The following EHHADH variants were observed in gnomAD, a reference collection of about 807,000 sequenced individuals.
The protein encoded by EHHADH is enoyl-CoA hydratase and 3-hydroxyacyl CoA dehydrogenase.
A neutral mutation model predicts 64.4 loss-of-function variants in EHHADH; 48 were observed. That is an observed-to-expected ratio of 0.75 (90% confidence interval 0.59 to 0.95). The LOEUF (loss-of-function observed/expected upper bound fraction) is 0.95. EHHADH is among the 40% of genes least tolerant of loss of function. The probability of loss-of-function intolerance (pLI) is 0.00; values close to 1 mark genes in which losing one functional copy is unlikely to be tolerated. For missense variants in EHHADH, 854 were observed against 876.6 expected, an observed-to-expected ratio of 0.97 and a Z score of 0.33; for synonymous variants, 308 against 326.7, an observed-to-expected ratio of 0.94 and a Z score of 0.62.
intron 5 of EHHADH, among the ~76,000 whole-genome samples, chr3:185,213,868 G>T (rs1339035979): frequency 7.4e-6 from 1 of 135,494 alleles, no homozygotes; most frequent in Non-Finnish European, 1.6e-5. Flanking sequence ...CAACAAGAGC[G>T]AAACTCCGTC....
At chr3:185,252,813 T>C (rs1719785339) in intron 1 of EHHADH, among the ~76,000 whole-genome samples, 1 of 152,198 alleles carries the variant, frequency 6.6e-6, no homozygotes, top group African/African-American at 2.4e-5. Flanking sequence ...AGCAGCATGT[T>C]ATAAGAATTT....
At chr3:185,245,769 T>C in intron 2 of EHHADH, 1 of 712,954 alleles carries the variant, frequency 1.4e-6, no homozygotes. Context: ...TATAATAGTT[T>C]ACAGATATCT....
At chr3:185,197,408 A>C (rs1223588822) in intron 6 of EHHADH, among the ~76,000 whole-genome samples, 1 of 152,182 alleles carries the variant, frequency 6.6e-6, no homozygotes, top group Non-Finnish European at 1.5e-5. Context: ...AACTCTTTCG[A>C]ATTGCAAAGC....
chr3:185,252,651 T>A (rs1719781509), intron 1 of EHHADH, among the ~76,000 whole-genome samples: 2 of 152,208 alleles, frequency 1.3e-5, no homozygotes, highest in South Asian at 4.1e-4. Flanking sequence ...GTCATCCTTA[T>A]GTGATTTTAG....
chr3:185,220,140 C>G (rs141656756), intron 4 of EHHADH, among the ~76,000 whole-genome samples: 218 of 152,226 alleles, frequency 1.4e-3, no homozygotes, highest in East Asian at 0.014. Context: ...GTCAACTAAG[C>G]AGGGAGAATG....
chr3:185,228,257 A>AAAAAAAAAAAATAT (rs1367786172), intron 4 of EHHADH, among the ~76,000 whole-genome samples: 1 of 22,004 alleles, frequency 4.5e-5, no homozygotes, highest in Non-Finnish European at 1.1e-4. Context: ...AAAAAAAAAA[A>AAAAAAAAAAAATAT]ATATATATAT....
At chr3:185,227,107 C>T (rs1186110324) in intron 4 of EHHADH, among the ~76,000 whole-genome samples, 1 of 152,166 alleles carries the variant, frequency 6.6e-6, no homozygotes, top group Non-Finnish European at 1.5e-5. Flanking sequence ...GGATTCAAAG[C>T]CAGGTCTTTG....
intron 2 of EHHADH, among the ~76,000 whole-genome samples, chr3:185,246,957 A>T (rs1350977809): frequency 1.3e-5 from 2 of 151,872 alleles, no homozygotes; most frequent in African/African-American, 4.8e-5. Context: ...TCAGTTCCAA[A>T]TTTTTTCTAA....
At chr3:185,237,673 C>T (rs1310084273) in intron 2 of EHHADH, among the ~76,000 whole-genome samples, 1 of 152,082 alleles carries the variant, frequency 6.6e-6, no homozygotes. Context: ...AGTGTTCAAC[C>T]AATCTGATAT....
At chr3:185,230,604 A>G (rs1423034831) in intron 3 of EHHADH, among the ~76,000 whole-genome samples, 4 of 151,034 alleles carry the variant, frequency 2.6e-5, no homozygotes, top group Non-Finnish European at 1.5e-5. Flanking sequence ...TGAAATATCC[A>G]GAATAGGCAA....
intron 6 of EHHADH, among the ~76,000 whole-genome samples, chr3:185,198,122 T>C (rs1287800708): frequency 6.6e-6 from 1 of 151,774 alleles, no homozygotes; most frequent in Non-Finnish European, 1.5e-5. Flanking sequence ...TTGGGGTAAA[T>C]ATCCAGAAGT....
chr3:185,240,123 TG>T (rs1719407289), intron 2 of EHHADH, among the ~76,000 whole-genome samples: 1 of 152,132 alleles, frequency 6.6e-6, no homozygotes, highest in African/African-American at 2.4e-5. Flanking sequence ...CATCTAATAT[TG>T]ATGTAATATC....
intron 5 of EHHADH, among the ~76,000 whole-genome samples, chr3:185,211,749 C>A (rs1718546763): frequency 6.6e-6 from 1 of 152,170 alleles, no homozygotes. Flanking sequence ...GGTCACTCTG[C>A]TCTTTTGAAA....
intron 6 of EHHADH, among the ~76,000 whole-genome samples, chr3:185,200,669 G>A (rs577419081): frequency 6.6e-6 from 1 of 152,116 alleles, no homozygotes; most frequent in East Asian, 1.9e-4. Context: ...AATTTGATCA[G>A]GAACCTCTTC....
intron 5 of EHHADH, among the ~76,000 whole-genome samples, chr3:185,211,418 C>T (rs895179205): frequency 2.6e-5 from 4 of 152,206 alleles, no homozygotes; most frequent in African/African-American, 4.8e-5. Context: ...AAGTGAGTCA[C>T]GTTTCTGAAG....
intron 4 of EHHADH, among the ~76,000 whole-genome samples, chr3:185,221,417 C>G (rs1314031844): frequency 1.3e-5 from 2 of 151,800 alleles, no homozygotes; most frequent in African/African-American, 4.8e-5. Flanking sequence ...ATTTATTATA[C>G]CATTATAAAT....
At chr3:185,245,874 G>T (rs1433159996) in intron 2 of EHHADH, 5 of 1,069,042 alleles carry the variant, frequency 4.7e-6, no homozygotes, top group Non-Finnish European at 7.2e-6. Context: ...ACCATATCTG[G>T]ATTCTTTTCC....
At chr3:185,202,837 A>G (rs1718267335) in intron 6 of EHHADH, among the ~76,000 whole-genome samples, 1 of 152,112 alleles carries the variant, frequency 6.6e-6, no homozygotes, top group Non-Finnish European at 1.5e-5. Flanking sequence ...AAGGTTGGAG[A>G]CCACTGTGCT....
At chr3:185,218,795 G>A (rs6786798) in intron 4 of EHHADH, among the ~76,000 whole-genome samples, 75,904 of 151,674 alleles carry the variant, frequency 0.5, 21,931 homozygotes, top group Non-Finnish European at 0.67. Context: ...GGCCAAGGCG[G>A]GTGGATCACC....
Sources: allele counts gnomAD v4.1 joint callset (sites outside exome capture counted in the v4.1 genomes callset), GRCh38; gene constraint gnomAD v4.1.1; transcripts MANE v1.5; gene names NCBI Gene and HGNC (gene_info 2026-07-23, HGNC 2026-07-21).